The following TXNDC16 variants were observed in gnomAD, a reference collection of about 807,000 sequenced individuals.
TXNDC16 encodes the protein thioredoxin domain containing 16, also known as thioredoxin domain-containing protein 16.
TXNDC16 carries 74 observed loss-of-function variants against 85.6 expected under a neutral mutation model. The observed-to-expected ratio is 0.86, with a 90% CI of 0.72 to 1.05. TXNDC16 has a LOEUF of 1.05. Among genes scored for constraint, TXNDC16 ranks in the 50% least tolerant of loss-of-function variants. The pLI, the probability that TXNDC16 is intolerant of heterozygous loss-of-function variation, is 0.00. For synonymous variants in TXNDC16, 335 were observed against 326.5 expected, an observed-to-expected ratio of 1.03 and a Z score of -0.28; for missense variants, 959 against 947.0, an observed-to-expected ratio of 1.01 and a Z score of -0.17.
In TXNDC16 at chr14:52,482,272, C is replaced by T. The variant is rs111824837; in HGVS notation, c.1270G>A (p.Ala424Thr). 1.9e-3 allele frequency: 3,128 copies of T among 1,611,688 alleles called. 5 individuals are homozygous for T. The highest frequency in any genetic ancestry group is 6.4e-3 in the Middle Eastern group (39 of 6,050). ...ACATCAATATAGGATTGCAAAAATG[C>T]CATGGATACTGCTTGCCCTATATGA... The part of the protein sequence containing the change: ...FYAGWQAVSM[A>T]FLQSYIDVAV... The change falls in exon 14 of 21, where the codon GCA becomes ACA. Residue 424 changes from alanine to threonine, a missense_variant. By Grantham distance (58) the Ala-to-Thr change is moderately conservative (BLOSUM62 0). Coordinates refer to ENST00000281741, the MANE Select transcript of TXNDC16 (RefSeq NM_020784.3).
intron 5 of TXNDC16, among the ~76,000 whole-genome samples, chr14:52,537,394 A>C (rs1003870056): frequency 3.3e-4 from 50 of 152,198 alleles, no homozygotes; most frequent in African/African-American, 1.2e-3. Context: ...CAACCTTGTG[A>C]TGTAGGTATT....
In TXNDC16 at chr14:52,470,668, ATAG is replaced by A; in HGVS notation, c.1322_1324del (p.Thr441del). The A allele has an allele frequency of 1.9e-6, 3 of 1,602,284 alleles. No individual in the cohort carries two copies. Among genetic ancestry groups the A allele is most frequent in the Non-Finnish European group, 2.6e-6 (3 of 1,175,806 alleles). ...TGCACAGTTTATTCTAGTAAGAAGC[ATAG>A]TAGATGTGCCTAAATAAAAGGAAAA... On this transcript the variant is annotated inframe_deletion, in exon 15 of 21. Coordinates refer to ENST00000281741, the MANE Select transcript of TXNDC16 (RefSeq NM_020784.3).
chr14:52,522,212 A>C (rs2037226400), intron 6 of TXNDC16, among the ~76,000 whole-genome samples: 1 of 152,208 alleles, frequency 6.6e-6, no homozygotes, highest in Non-Finnish European at 1.5e-5. Context: ...GTTTGCTTCA[A>C]AAATTAAGTC....
chr14:52,497,036 G>C (rs1224591627), intron 9 of TXNDC16, among the ~76,000 whole-genome samples: 1 of 152,044 alleles, frequency 6.6e-6, no homozygotes, highest in Non-Finnish European at 1.5e-5. Context: ...AATATAAATA[G>C]AAATTAGTAT....
At chr14:52,486,351 T>G (rs938551993) in intron 12 of TXNDC16, among the ~76,000 whole-genome samples, 4 of 147,842 alleles carry the variant, frequency 2.7e-5, no homozygotes, top group Non-Finnish European at 4.5e-5. Flanking sequence ...TGGCAAGATC[T>G]CAGCTCACTG....
At chr14:52,539,010 A>G (rs949018960) in intron 4 of TXNDC16, among the ~76,000 whole-genome samples, 2 of 152,178 alleles carry the variant, frequency 1.3e-5, no homozygotes. Context: ...ATGACAATAG[A>G]TGTGTCCATT....
At chr14:52,489,725 G>C (rs983689467) in intron 11 of TXNDC16, among the ~76,000 whole-genome samples, 26 of 152,162 alleles carry the variant, frequency 1.7e-4, no homozygotes, top group Admixed American at 8.5e-4. Flanking sequence ...TTAAGATACA[G>C]AACATCATCA....
intron 3 of TXNDC16, 100 bp from the exon 4 acceptor site, chr14:52,542,553 GCAA>G (rs1362232951): frequency 2.2e-5 from 16 of 733,518 alleles, no homozygotes; most frequent in East Asian, 8.0e-5. Context: ...CAACTAGCAT[GCAA>G]CAACAAATAA....
chr14:52,522,498 G>C (rs1290130649), intron 6 of TXNDC16, among the ~76,000 whole-genome samples: 4 of 152,174 alleles, frequency 2.6e-5, no homozygotes, highest in Non-Finnish European at 5.9e-5. Flanking sequence ...AGATTCTGAA[G>C]CAGGGGCAGG....
At chr14:52,523,440 GTCA>G (rs2037258151) in intron 6 of TXNDC16, among the ~76,000 whole-genome samples, 2 of 151,996 alleles carry the variant, frequency 1.3e-5, no homozygotes, top group Non-Finnish European at 2.9e-5. Context: ...TTACATTTCT[GTCA>G]TCATTCAAAT....
chr14:52,453,193 G>T (rs1002298761), intron 18 of TXNDC16, among the ~76,000 whole-genome samples: 2 of 152,122 alleles, frequency 1.3e-5, no homozygotes, highest in Non-Finnish European at 2.9e-5. Context: ...TGCTGGTGAG[G>T]ATGTGGAGAA....
intron 18 of TXNDC16, among the ~76,000 whole-genome samples, chr14:52,449,513 C>T (rs1040098268): frequency 6.6e-6 from 1 of 152,114 alleles, no homozygotes; most frequent in Non-Finnish European, 1.5e-5. Context: ...AAGATTTCAA[C>T]AACCCACTTT....
chr14:52,468,121 T>C (rs903290108), intron 16 of TXNDC16, among the ~76,000 whole-genome samples: 5 of 152,190 alleles, frequency 3.3e-5, no homozygotes, highest in South Asian at 4.1e-4. Flanking sequence ...AGCTGTTGTT[T>C]AATGAGTACA....
chr14:52,480,955 GTGTGTGTATATATATATATGTATATATA>G, intron 14 of TXNDC16, among the ~76,000 whole-genome samples: 1 of 95,080 alleles, frequency 1.1e-5, no homozygotes, highest in Non-Finnish European at 2.2e-5. Flanking sequence ...GTGTGTGTGT[GTGTGTGTATATATATATATGTATATATA>G]TATATATATA....
intron 20 of TXNDC16, among the ~76,000 whole-genome samples, chr14:52,433,884 A>G (rs2034964415): frequency 6.6e-6 from 1 of 152,216 alleles, no homozygotes; most frequent in African/African-American, 2.4e-5. Flanking sequence ...AGTATCTGTA[A>G]GAGTCCAGTT....
chr14:52,550,110 C>G (rs1057509864), intron 1 of TXNDC16, among the ~76,000 whole-genome samples: 4 of 152,108 alleles, frequency 2.6e-5, no homozygotes, highest in African/African-American at 9.7e-5. Flanking sequence ...CCTAATATTC[C>G]CTTATGATTA....
chr14:52,516,793 A>G (rs1226327304), intron 7 of TXNDC16, among the ~76,000 whole-genome samples: 1 of 151,806 alleles, frequency 6.6e-6, no homozygotes, highest in African/African-American at 2.4e-5. Flanking sequence ...CATTCCACTC[A>G]CCACCCTACC....
At chr14:52,463,603 T>C (rs2035703798) in intron 16 of TXNDC16, among the ~76,000 whole-genome samples, 1 of 152,142 alleles carries the variant, frequency 6.6e-6, no homozygotes, top group South Asian at 2.1e-4. Flanking sequence ...ATTTGTCTTA[T>C]TTGAACAGGA....
intron 13 of TXNDC16, 48 bp from the exon 14 acceptor site, chr14:52,482,337 A>G (rs1223501472): frequency 1.4e-6 from 2 of 1,472,440 alleles, no homozygotes; most frequent in Admixed American, 1.7e-5. Context: ...ATATCTACAA[A>G]GCATCCACAC....
Sources: gnomAD v4.1 joint callset for allele counts (sites outside exome capture counted in the v4.1 genomes callset) on GRCh38, gnomAD v4.1.1 for gene constraint, MANE v1.5 for transcripts, NCBI Gene and HGNC (gene_info 2026-07-23, HGNC 2026-07-21) for gene names.